Variants in KIF27 observed in about 807,000 individuals in gnomAD.
The protein encoded by KIF27 is kinesin-like protein KIF27.
Under a neutral mutation model 141.8 loss-of-function variants are expected in KIF27, and 84 were observed. The ratio of observed to expected loss-of-function variants is 0.59; its 90% CI spans 0.50 to 0.71. The LOEUF is 0.71. KIF27 is among the 30% of genes least tolerant of loss of function. The probability of loss-of-function intolerance (pLI) is 0.00; values close to 1 mark genes in which losing one functional copy is unlikely to be tolerated. For synonymous variants in KIF27, 471 were observed against 569.5 expected (o/e 0.83, Z 2.46); for missense variants, 1,306 against 1,628.4 (o/e 0.80, Z 3.41).
chr9:83,874,536 A>G (rs745410739), intron 11 of KIF27, among the ~76,000 whole-genome samples: 1 of 152,214 alleles, frequency 6.6e-6, no homozygotes, highest in Non-Finnish European at 1.5e-5. Context: ...TAGAGGATAC[A>G]TCAATGTATC....
At chr9:83,842,492 T>C (rs1306598009) in intron 16 of KIF27, 91 bp from the exon 17 acceptor site, 1 of 1,411,874 alleles carries the variant, frequency 7.1e-7, no homozygotes, top group Non-Finnish European at 9.2e-7. Flanking sequence ...AGACGGAGTC[T>C]CGCACTGTCG....
At chr9:83,900,899 T>A (rs2780087) in intron 4 of KIF27, among the ~76,000 whole-genome samples, 3,426 of 150,808 alleles carry the variant, frequency 0.023, 56 homozygotes, top group South Asian at 0.036. Context: ...AAAAAAAAAA[T>A]AAAGAACTAA....
chr9:83,904,402 G>A (rs766092884), intron 3 of KIF27, among the ~76,000 whole-genome samples: 4 of 151,506 alleles, frequency 2.6e-5, no homozygotes, highest in East Asian at 1.9e-4. Flanking sequence ...ACGGAGTCTC[G>A]GCCTGTTGCC....
At chr9:83,896,391 TTAA>T (rs1395315238) in intron 5 of KIF27, among the ~76,000 whole-genome samples, 1 of 152,178 alleles carries the variant, frequency 6.6e-6, no homozygotes, top group Non-Finnish European at 1.5e-5. Context: ...ATATAATGTA[TTAA>T]TATCTAAAAA....
intron 10 of KIF27, among the ~76,000 whole-genome samples, chr9:83,882,129 G>T (rs539185341): frequency 2.0e-5 from 3 of 152,000 alleles, no homozygotes; most frequent in African/African-American, 7.2e-5. Context: ...TTCTGAGGGC[G>T]AGACGGGTGG....
intron 16 of KIF27, among the ~76,000 whole-genome samples, chr9:83,844,853 C>T (rs1055161181): frequency 6.6e-6 from 1 of 152,182 alleles, no homozygotes; most frequent in African/African-American, 2.4e-5. Flanking sequence ...CTACATTCGG[C>T]CCTTCCTACA....
intron 5 of KIF27, among the ~76,000 whole-genome samples, chr9:83,892,754 G>A (rs1436202602): frequency 2.0e-5 from 3 of 152,324 alleles, no homozygotes; most frequent in South Asian, 2.1e-4. Context: ...GAAAGCTGGT[G>A]TAGCTATAGT....
At chr9:83,841,220 A>G (rs377075916) in intron 17 of KIF27, among the ~76,000 whole-genome samples, 5 of 151,964 alleles carry the variant, frequency 3.3e-5, no homozygotes, top group African/African-American at 1.2e-4. Context: ...ACAGGCATGC[A>G]CCATCACACC....
intron 15 of KIF27, among the ~76,000 whole-genome samples, chr9:83,851,139 A>G (rs1400990638): frequency 1.3e-5 from 2 of 150,950 alleles, no homozygotes; most frequent in East Asian, 2.0e-4. Context: ...CCCAGCCGAC[A>G]CTTTCATTTT....
intron 11 of KIF27, among the ~76,000 whole-genome samples, chr9:83,875,595 C>G (rs988837791): frequency 1.2e-4 from 19 of 152,054 alleles, no homozygotes; most frequent in African/African-American, 4.6e-4. Context: ...ATGAGGAACT[C>G]CCATATTTAA....
At position 83,834,664 on chromosome 9, in the gene KIF27, C is replaced by T. The variant is rs2131388627; in HGVS notation, c.*2337G>A. Among the ~76,000 whole-genome samples, 1 of 151,706 alleles carries T rather than the reference C, an allele frequency of 6.6e-6. No individual in the cohort carries two copies. The highest frequency in any genetic ancestry group is 3.4e-3 in the Middle Eastern group (1 of 292). On this transcript the variant is annotated 3_prime_UTR_variant, in exon 18 of 18. Transcript: ENST00000297814. ...TTAAATGAATTATTCCTAAATAACG[C>T]ATAGCACATTACTTAATCTTATAAG...
chr9:83,908,677 C>A, intron 2 of KIF27, 25 bp from the exon 3 acceptor site: 1 of 1,470,884 alleles, frequency 6.8e-7, no homozygotes, highest in Non-Finnish European at 9.3e-7. Flanking sequence ...AAAGAAAGCA[C>A]ATCTGGAACT....
chr9:83,859,024 C>T (rs1949579237), intron 14 of KIF27, 132 bp downstream of exon 14: 9 of 708,934 alleles, frequency 1.3e-5, no homozygotes, highest in Non-Finnish European at 2.2e-5. Flanking sequence ...GCCAGGTGAA[C>T]TCACTACATC....
chr9:83,916,041 TAC>T (rs1293284432), intron 1 of KIF27, among the ~76,000 whole-genome samples: 46 of 152,150 alleles, frequency 3.0e-4, no homozygotes, highest in Non-Finnish European at 4.6e-4. Context: ...TAAGGAACTG[TAC>T]ACACGTTTTT....
At chr9:83,908,937 C>T (rs1045659029) in intron 2 of KIF27, among the ~76,000 whole-genome samples, 1 of 151,992 alleles carries the variant, frequency 6.6e-6, no homozygotes, top group African/African-American at 2.4e-5. Flanking sequence ...CTCTTTTAAA[C>T]CACAACTATA....
chr9:83,862,532 A>G (rs574282408), intron 13 of KIF27, among the ~76,000 whole-genome samples: 15 of 152,228 alleles, frequency 9.9e-5, no homozygotes, highest in African/African-American at 3.4e-4. Context: ...CCACTGGTCT[A>G]TATCTCTGTT....
intron 15 of KIF27, among the ~76,000 whole-genome samples, chr9:83,852,539 A>G (rs1230807477): frequency 6.6e-6 from 1 of 152,144 alleles, no homozygotes; most frequent in African/African-American, 2.4e-5. Context: ...CACTCTCATC[A>G]ATAACAATAA....
chr9:83,870,393 C>CT, intron 12 of KIF27, 126 bp downstream of exon 12: 1 of 1,369,648 alleles, frequency 7.3e-7, no homozygotes, highest in Non-Finnish European at 9.9e-7. Flanking sequence ...TCTTGAACTC[C>CT]TGACCGCAGG....
chr9:83,894,008 T>A (rs1952928597), intron 5 of KIF27, among the ~76,000 whole-genome samples: 2 of 152,150 alleles, frequency 1.3e-5, no homozygotes, highest in African/African-American at 4.8e-5. Flanking sequence ...AACAAACTTA[T>A]GCCAATACAT....
Sources: gnomAD v4.1 joint callset for allele counts (sites outside exome capture counted in the v4.1 genomes callset) on GRCh38, gnomAD v4.1.1 for gene constraint, MANE v1.5 for transcripts, NCBI Gene and HGNC (gene_info 2026-07-23, HGNC 2026-07-21) for gene names.